PTPRT: variants seen among roughly 807,000 people sequenced by gnomAD.
PTPRT encodes receptor-type tyrosine-protein phosphatase T.
In PTPRT, 56 loss-of-function variants were observed where a neutral mutation model predicts 176.8. The ratio of observed to expected loss-of-function variants is 0.32; its 90% CI spans 0.26 to 0.40. The LOEUF (loss-of-function observed/expected upper bound fraction) is 0.40, where lower values mean the gene tolerates loss of function less well. Among genes scored for constraint, PTPRT ranks in the 10% least tolerant of loss-of-function variants. The pLI, the probability that PTPRT is intolerant of heterozygous loss-of-function variation, is 1.00. For missense variants in PTPRT, 1,540 were observed against 1,908.2 expected (o/e 0.81, Z 3.60); for synonymous variants, 783 against 739.0 (o/e 1.06, Z -0.96).
intron 2 of PTPRT, among the ~76,000 whole-genome samples, chr20:42,863,657 A>C (rs2078698679): frequency 6.6e-6 from 1 of 152,150 alleles, no homozygotes; most frequent in Admixed American, 6.5e-5. Flanking sequence ...TGAGCTCCTC[A>C]TTTCTTCTTC....
intron 1 of PTPRT, among the ~76,000 whole-genome samples, chr20:43,062,806 C>T (rs958648090): frequency 3.3e-5 from 5 of 152,286 alleles, no homozygotes; most frequent in African/African-American, 1.2e-4. Flanking sequence ...TATTGTTACA[C>T]AGGGTGTAAT....
intron 2 of PTPRT, among the ~76,000 whole-genome samples, chr20:42,860,980 GGATGAC>G (rs1309752267): frequency 1.3e-5 from 2 of 152,144 alleles, no homozygotes; most frequent in Admixed American, 6.5e-5. Flanking sequence ...GGTCTTTTAA[GGATGAC>G]GATTATTCTC....
chr20:42,052,863 G>A, the PTPRT span, among the ~76,000 whole-genome samples: 50 of 152,298 alleles, frequency 3.3e-4, no homozygotes, highest in East Asian at 5.0e-3. Flanking sequence ...GATGAGGCCC[G>A]TGTCGGTGGC....
intron 8 of PTPRT, among the ~76,000 whole-genome samples, chr20:42,452,747 C>T (rs2070853956): frequency 6.6e-6 from 1 of 152,138 alleles, no homozygotes. Context: ...TTTCTCACAC[C>T]AGATCAGATG....
At chr20:42,744,536 C>A (rs528278947) in intron 6 of PTPRT, among the ~76,000 whole-genome samples, 17 of 152,288 alleles carry the variant, frequency 1.1e-4, no homozygotes, top group Middle Eastern at 6.8e-3. Flanking sequence ...AGACATTAAG[C>A]CTGTGGGGGT....
chr20:43,180,340 A>AATCTCTCTCT (rs2015220549), intron 1 of PTPRT, among the ~76,000 whole-genome samples: 1 of 14,284 alleles, frequency 7.0e-5, no homozygotes, highest in African/African-American at 1.9e-4. Flanking sequence ...GAAATGAATC[A>AATCTCTCTCT]ATCTCTCTCT....
intron 1 of PTPRT, among the ~76,000 whole-genome samples, chr20:43,145,767 A>G (rs2014150065): frequency 6.6e-6 from 1 of 152,200 alleles, no homozygotes; most frequent in African/African-American, 2.4e-5. Flanking sequence ...CTCTTTTCAC[A>G]ATCGTCCATT....
chr20:43,091,444 TTCTC>T (rs748355532), intron 1 of PTPRT, among the ~76,000 whole-genome samples: 30 of 142,602 alleles, frequency 2.1e-4, no homozygotes, highest in African/African-American at 3.4e-4. Context: ...CTCTCTGTAT[TTCTC>T]TCTCTCTCTC....
chr20:42,438,033 T>C (rs112510488), intron 9 of PTPRT, among the ~76,000 whole-genome samples: 27 of 152,228 alleles, frequency 1.8e-4, no homozygotes, highest in African/African-American at 6.0e-4. Context: ...GGGCACAGTT[T>C]ATTGAAAGGA....
rs1293260225 is a variant in PTPRT, at chr20:42,767,645, A to C, written c.684+3790T>G. 1.4e-5 allele frequency among the ~76,000 whole-genome samples: 2 copies of C among 147,842 alleles called. 1 individual carries two copies. The highest frequency in any genetic ancestry group is 1.4e-4 in the Admixed American group (2 of 14,698). ...TATTAAAAAAACTATATATACACAA[A>C]TATATATTAATATATACTTACATAT... On this transcript the variant is annotated intron_variant, in intron 5 of 30. Coordinates refer to ENST00000373187, the MANE Select transcript of PTPRT (RefSeq NM_007050.6).
In PTPRT at chr20:42,199,331, A is replaced by G. The variant is rs889114549; in HGVS notation, c.2400T>C (p.Pro800=). Residue 800 remains proline, a synonymous_variant, in exon 16 of 31, where the codon CCT becomes CCC. Transcript: ENST00000373187. Reference sequence around the variant, plus strand: ...TGGTGGGTTTGTCGGCAGAGGCCACAGGCCCCATCTCCCTCTGGGCTCCAC... The same window carrying G: ...TGGTGGGTTTGTCGGCAGAGGCCACGGGCCCCATCTCCCTCTGGGCTCCAC... ...TQSGAQREMG[P]VASADKPTTK... is the part of the protein sequence containing the mutation. The G allele has an allele frequency of 1.9e-6, 3 of 1,614,172 alleles. No homozygotes were observed. The highest frequency in any genetic ancestry group is 1.1e-5 in the South Asian group (1 of 91,070).
chr20:42,200,769 T>C (rs1991417331), intron 15 of PTPRT, among the ~76,000 whole-genome samples: 2 of 152,202 alleles, frequency 1.3e-5, no homozygotes, highest in African/African-American at 4.8e-5. Context: ...TGAAAGGCTA[T>C]AGGTTAAACA....
intron 7 of PTPRT, among the ~76,000 whole-genome samples, chr20:42,561,251 A>G (rs2072947069): frequency 6.6e-6 from 1 of 152,168 alleles, no homozygotes; most frequent in African/African-American, 2.4e-5. Flanking sequence ...TCCTTCCACA[A>G]ACTCAAGAGG....
intron 1 of PTPRT, among the ~76,000 whole-genome samples, chr20:43,064,907 G>C (rs1189993749): frequency 2.0e-5 from 3 of 152,216 alleles, no homozygotes; most frequent in Admixed American, 2.0e-4. Context: ...ACTTAGTCAT[G>C]ATTCTGGATG....
chr20:42,149,769 G>A (rs1989041884), intron 17 of PTPRT, among the ~76,000 whole-genome samples: 1 of 152,160 alleles, frequency 6.6e-6, no homozygotes, highest in Non-Finnish European at 1.5e-5. Flanking sequence ...CCAGCATCAT[G>A]ATAAATGGCA....
chr20:42,293,301 A>T (rs1373191258), intron 12 of PTPRT, among the ~76,000 whole-genome samples: 1 of 152,222 alleles, frequency 6.6e-6, no homozygotes, highest in Admixed American at 6.5e-5. Context: ...TAAGACTTTT[A>T]TATGGTCAGC....
chr20:42,557,907 A>C (rs4812606), intron 7 of PTPRT, among the ~76,000 whole-genome samples: 46,210 of 151,938 alleles, frequency 0.3, 7,257 homozygotes, highest in East Asian at 0.5. Flanking sequence ...GGGCAATTAC[A>C]AATAGAAATA....
In PTPRT at chr20:42,893,086, A is replaced by C. The variant is rs192945586; in HGVS notation, c.89-7154T>G. On this transcript the variant is annotated intron_variant, in intron 1 of 30. Coordinates refer to ENST00000373187, the MANE Select transcript of PTPRT (RefSeq NM_007050.6). ...ATCAGAGTGAACAGGCAACCTACAA[A>C]ATGGGAGAAAATTTTCGCAACCTAC... Among the ~76,000 whole-genome samples the C allele has an allele frequency of 3.4e-3, 520 of 152,222 alleles. 1 individual carries two copies. Among genetic ancestry groups the C allele is most frequent in the African/African-American group, 0.012 (501 of 41,538 alleles).
intron 15 of PTPRT, among the ~76,000 whole-genome samples, chr20:42,225,745 C>T (rs1046125819): frequency 2.0e-5 from 3 of 152,182 alleles, no homozygotes; most frequent in African/African-American, 4.8e-5. Flanking sequence ...CCCCGCCTCC[C>T]GGCTTCAAGC....
Sources: allele counts gnomAD v4.1 joint callset (sites outside exome capture counted in the v4.1 genomes callset), GRCh38; gene constraint gnomAD v4.1.1; transcripts MANE v1.5; gene names NCBI Gene and HGNC (gene_info 2026-07-23, HGNC 2026-07-21).